COL1A2: variants seen among roughly 807,000 people sequenced by gnomAD.
COL1A2 encodes collagen alpha-2(I) chain.
COL1A2 carries 49 observed loss-of-function variants against 174.3 expected under a neutral mutation model. That is an observed-to-expected ratio of 0.28 (90% confidence interval 0.22 to 0.36). The LOEUF (loss-of-function observed/expected upper bound fraction) is 0.36, where lower values mean the gene tolerates loss of function less well. COL1A2 is among the 10% of genes least tolerant of loss of function. COL1A2 has a pLI of 1.00. For synonymous variants in COL1A2, 655 were observed against 606.6 expected, an observed-to-expected ratio of 1.08 and a Z score of -1.17; for missense variants, 1,438 against 1,822.7, an observed-to-expected ratio of 0.79 and a Z score of 3.84.
rs985639597 is a variant in COL1A2, at chr7:94,409,581, C to T, written c.909C>T (p.Asn303=). 2.1e-5 allele frequency: 34 copies of T among 1,614,088 alleles called. No individual in the cohort carries two copies. The East Asian group carries it at 3.3e-4, about 16-fold the overall frequency. ...CCTCATAGGGTAATCCTGGAGCAAACGGCCTTACTGGTGCCAAGGGTGCTG... is the reference window on the plus strand; with the variant it reads ...CCTCATAGGGTAATCCTGGAGCAAATGGCCTTACTGGTGCCAAGGGTGCTG... ...PVGPPGNPGA[N]GLTGAKGAAG... The change falls in exon 18 of 52, where the codon AAC becomes AAT. Residue 303 remains asparagine, a synonymous_variant. Transcript: ENST00000297268.
Position 94,417,803 on chromosome 7 carries a change from C to T in COL1A2, c.1943C>T (p.Ala648Val), listed in dbSNP as rs1470335240. 1.9e-6 allele frequency: 3 copies of T among 1,602,644 alleles called. No individual in the cohort carries two copies. In the Admixed American group the frequency reaches 5.1e-5, roughly 27 times the overall value. Residue 648 changes from alanine to valine, a missense_variant, in exon 32 of 52, where the codon GCT becomes GTT. This residue lies in a region of COL1A2 where 867 missense variants were observed against 1,213.7 expected (regional missense o/e 0.71). Coordinates refer to ENST00000297268, the MANE Select transcript of COL1A2 (RefSeq NM_000089.4). ...PSGLPGERGA[A>V]GIPGGKGEKG... is the part of the protein sequence containing the mutation. ...GGACTCCCAGGAGAGAGGGGTGCTGCTGGCATACCTGGAGGCAAGGGAGAA... is the reference window on the plus strand; with the variant it reads ...GGACTCCCAGGAGAGAGGGGTGCTGTTGGCATACCTGGAGGCAAGGGAGAA...
At chr7:94,400,399 A>G (rs1791667340) in intron 5 of COL1A2, 111 bp downstream of exon 5, 2 of 970,156 alleles carry the variant, frequency 2.1e-6, no homozygotes, top group Non-Finnish European at 3.2e-6. Flanking sequence ...GAAAATTAGT[A>G]TATTTTATTT....
At chr7:94,419,070 G>A (rs1240440338) in intron 33 of COL1A2, among the ~76,000 whole-genome samples, 2 of 144,766 alleles carry the variant, frequency 1.4e-5, no homozygotes, top group African/African-American at 5.2e-5. Context: ...AGCCTCATGG[G>A]TCTTCTAGGC....
chr7:94,400,679 G>T (rs1791672911), intron 5 of COL1A2, among the ~76,000 whole-genome samples: 1 of 152,166 alleles, frequency 6.6e-6, no homozygotes, highest in Admixed American at 6.5e-5. Context: ...TCCTTGACTT[G>T]AAGTCTGCTG....
chr7:94,425,303 C>A, intron 42 of COL1A2, 79 bp downstream of exon 42: 1 of 1,324,546 alleles, frequency 7.5e-7, no homozygotes, highest in Non-Finnish European at 1.1e-6. Context: ...AGCTGAGGTT[C>A]TCTTCTTCCA....
chr7:94,417,654 T>C, intron 31 of COL1A2, 70 bp from the exon 32 acceptor site: 1 of 1,329,962 alleles, frequency 7.5e-7, no homozygotes, highest in Non-Finnish European at 1.1e-6. Context: ...AAATTGGAAT[T>C]CTTCTAGAGT....
chr7:94,425,230 T>A lies in COL1A2; in HGVS notation c.2781+6T>A. 1 of 1,611,408 alleles carries A rather than the reference T, an allele frequency of 6.2e-7. No homozygotes were observed. Among genetic ancestry groups the A allele is most frequent in the Non-Finnish European group, 8.5e-7 (1 of 1,177,562 alleles). On this transcript the variant is annotated splice_donor_region_variant and intron_variant, in intron 42 of 51. Transcript: ENST00000297268. ...CTGGTGAAGCTGGTCGTGATGTGAG[T>A]CCAACACTTGGTTTGTAAAATAAAA...
Position 94,420,630 on chromosome 7 carries a change from T to C in COL1A2, c.2277T>C (p.Val759=), listed in dbSNP as rs1233673265. 1 of 1,601,150 alleles carries C rather than the reference T, an allele frequency of 6.2e-7. No individual in the cohort carries two copies. ...GTGTTGTTGGTCCCACAGGCCCCGT[T>C]GGAGCTGCTGGCCCAGCTGTAAGTT... ...ENGVVGPTGP[V]GAAGPAGPNG... Residue 759 remains valine, a synonymous_variant, in exon 37 of 52, where the codon GTT becomes GTC. Transcript: ENST00000297268.
At chr7:94,401,777 T>C (rs1049015323) in intron 6 of COL1A2, among the ~76,000 whole-genome samples, 157 bp downstream of exon 6, 5 of 152,076 alleles carry the variant, frequency 3.3e-5, no homozygotes, top group African/African-American at 1.2e-4. Context: ...TATGAAAACA[T>C]AAGTTAAGGA....
chr7:94,426,666 C>T (rs1157919236), intron 46 of COL1A2, 136 bp downstream of exon 46: 1 of 776,624 alleles, frequency 1.3e-6, no homozygotes, highest in Non-Finnish European at 2.2e-6. Context: ...CTAACTCCAT[C>T]TCACTCTTGG....
At chr7:94,398,585 T>TTAAA (rs1791626551) in intron 3 of COL1A2, among the ~76,000 whole-genome samples, 189 bp downstream of exon 3, 1 of 151,984 alleles carries the variant, frequency 6.6e-6, no homozygotes, top group African/African-American at 2.4e-5. Context: ...TCTTCTGGAA[T>TTAAA]CATCTGTAAT....
Position 94,427,845 on chromosome 7 carries a change from A to G in COL1A2, c.3486A>G (p.Thr1162=), listed in dbSNP as rs760817161. The stretch of plus-strand genomic sequence containing the variant: ...GCTCTAGAAAGAACCCAGCTCGCAC[A>G]TGCCGTGACTTGAGACTCAGCCACC... The part of the protein sequence containing the change: ...PEGSRKNPAR[T]CRDLRLSHPE... Residue 1162 remains threonine (T), a synonymous_variant, in exon 49 of 52, where the codon ACA becomes ACG. Transcript: ENST00000297268. The G allele has an allele frequency of 1.2e-6, 2 of 1,614,210 alleles. No homozygotes were observed. The highest frequency in any genetic ancestry group is 1.7e-6 in the Non-Finnish European group (2 of 1,180,038).
At chr7:94,419,268 T>C (rs1360718365) in intron 33 of COL1A2, among the ~76,000 whole-genome samples, 2 of 151,786 alleles carry the variant, frequency 1.3e-5, no homozygotes, top group African/African-American at 4.8e-5. Context: ...TGACCTGCTA[T>C]TGACTTACAC....
In COL1A2 at chr7:94,427,013, C is replaced by T. The variant is rs1327448655; in HGVS notation, c.3111C>T (p.His1037=). The change falls in exon 47 of 52, where the codon CAC becomes CAT. Residue 1037 remains histidine (H), a synonymous_variant. Coordinates refer to ENST00000297268, the MANE Select transcript of COL1A2 (RefSeq NM_000089.4). ...GLQGLPGIAG[H]HGDQGAPGSV... ...TTCCTCTTCTGTCTTTAAAGGGTCA[C>T]CATGGTGATCAAGGTGCTCCTGGCT... The T allele has an allele frequency of 5.0e-6, 8 of 1,613,772 alleles. No homozygotes were observed. The highest frequency in any genetic ancestry group is 6.8e-6 in the Non-Finnish European group (8 of 1,179,876).
intron 42 of COL1A2, 124 bp downstream of exon 42, chr7:94,425,348 A>G (rs958976412): frequency 2.0e-5 from 19 of 945,838 alleles, no homozygotes; most frequent in Admixed American, 1.0e-4. Context: ...TCTCCATAGT[A>G]TCTACACCTA....
intron 28 of COL1A2, 28 bp downstream of exon 28, chr7:94,413,975 T>G: frequency 6.3e-7 from 1 of 1,593,792 alleles, no homozygotes; most frequent in Non-Finnish European, 8.6e-7. Context: ...TATACAATAC[T>G]GCCTTTGGTC....
chr7:94,406,929 GA>G (rs1791813695), intron 12 of COL1A2, among the ~76,000 whole-genome samples: 1 of 152,148 alleles, frequency 6.6e-6, no homozygotes, highest in African/African-American at 2.4e-5. Context: ...AGCGGGACCA[GA>G]AATGAACATG....
At chr7:94,423,431 TAATC>T (rs1474566040) in intron 40 of COL1A2, 4 of 395,364 alleles carry the variant, frequency 1.0e-5, no homozygotes, top group Admixed American at 7.3e-5. Flanking sequence ...TACTACATAT[TAATC>T]AATCTCAGTA....
intron 33 of COL1A2, 148 bp from the exon 34 acceptor site, chr7:94,419,350 C>G: frequency 1.1e-6 from 1 of 892,550 alleles, no homozygotes. Flanking sequence ...TAATTAGAAC[C>G]AAAATACATC....
Sources: gnomAD v4.1 joint callset for allele counts (sites outside exome capture counted in the v4.1 genomes callset) on GRCh38, gnomAD v4.1.1 for gene constraint, gnomAD v4.1.1 regional missense constraint, MANE v1.5 for transcripts, NCBI Gene and HGNC (gene_info 2026-07-23, HGNC 2026-07-21) for gene names.